RABGAP1L: variants seen among roughly 807,000 people sequenced by gnomAD.
RABGAP1L encodes RAB GTPase activating protein 1 like.
RABGAP1L carries 63 observed loss-of-function variants against 137.7 expected under a neutral mutation model. The observed-to-expected ratio is 0.46, with a 90% CI of 0.37 to 0.56. The LOEUF (loss-of-function observed/expected upper bound fraction) is 0.56, where lower values mean the gene tolerates loss of function less well. Ranked by LOEUF, RABGAP1L falls within the 20% of genes least tolerant of loss-of-function variation. The pLI is 0.00. For missense variants in RABGAP1L, 1,095 were observed against 1,244.0 expected (o/e 0.88, Z 1.80); for synonymous variants, 431 against 433.7 (o/e 0.99, Z 0.08).
At chr1:174,384,359 A>G (rs185566914) in intron 12 of RABGAP1L, among the ~76,000 whole-genome samples, 9 of 152,226 alleles carry the variant, frequency 5.9e-5, no homozygotes, top group Admixed American at 5.9e-4. Context: ...TCACAAACCT[A>G]TGTGCATTTG....
chr1:174,433,000 A>C (rs1223856779), intron 13 of RABGAP1L, among the ~76,000 whole-genome samples: 1 of 152,238 alleles, frequency 6.6e-6, no homozygotes, highest in African/African-American at 2.4e-5. Context: ...TGATGGTAAA[A>C]TAATATGCTT....
chr1:174,537,479 G>C (rs900395812), intron 13 of RABGAP1L, among the ~76,000 whole-genome samples: 2 of 152,160 alleles, frequency 1.3e-5, no homozygotes, highest in African/African-American at 4.8e-5. Flanking sequence ...TGTGGATATT[G>C]GTAAAAGGTC....
chr1:174,314,325 C>A (rs946201519), intron 11 of RABGAP1L, among the ~76,000 whole-genome samples: 1 of 152,074 alleles, frequency 6.6e-6, no homozygotes, highest in Non-Finnish European at 1.5e-5. Flanking sequence ...CACTGATGAT[C>A]CTTTGAATTT....
chr1:174,848,354 T>C, intron 19 of RABGAP1L, among the ~76,000 whole-genome samples: 1 of 99,282 alleles, frequency 1.0e-5, no homozygotes, highest in Admixed American at 1.1e-4. Context: ...CCCATCTTTG[T>C]GGTTTTATCT....
chr1:174,746,014 T>C (rs1683834395), intron 17 of RABGAP1L, among the ~76,000 whole-genome samples: 1 of 152,242 alleles, frequency 6.6e-6, no homozygotes, highest in South Asian at 2.1e-4. Context: ...CTTGGTACTT[T>C]TTGACACTAC....
chr1:174,603,597 C>T (rs1670573414), intron 13 of RABGAP1L, among the ~76,000 whole-genome samples: 1 of 152,160 alleles, frequency 6.6e-6, no homozygotes, highest in Admixed American at 6.5e-5. Flanking sequence ...GTCTTTCCCA[C>T]TCTTTTCTCT....
At chr1:174,369,669 A>G (rs988405791) in intron 11 of RABGAP1L, among the ~76,000 whole-genome samples, 5 of 152,290 alleles carry the variant, frequency 3.3e-5, no homozygotes, top group African/African-American at 1.2e-4. Flanking sequence ...TATAGTAGTA[A>G]TATTTCATTT....
chr1:174,509,298 T>C (rs1662118034), intron 13 of RABGAP1L, among the ~76,000 whole-genome samples: 1 of 152,204 alleles, frequency 6.6e-6, no homozygotes, highest in Admixed American at 6.5e-5. Flanking sequence ...ATGCATGTTA[T>C]CTAGAAACAT....
At chr1:174,260,432 A>C (rs937549846) in intron 7 of RABGAP1L, among the ~76,000 whole-genome samples, 2 of 152,204 alleles carry the variant, frequency 1.3e-5, no homozygotes, top group Admixed American at 1.3e-4. Context: ...GTGCCTTGGG[A>C]GAAAAGCCAA....
At chr1:174,258,629 A>G (rs753732359) in intron 7 of RABGAP1L, among the ~76,000 whole-genome samples, 34 of 152,158 alleles carry the variant, frequency 2.2e-4, no homozygotes, top group Non-Finnish European at 4.6e-4. Context: ...GCTGCTGACA[A>G]AGTTAATTTG....
chr1:174,621,786 G>T (rs1348788412), intron 13 of RABGAP1L, among the ~76,000 whole-genome samples: 1 of 152,166 alleles, frequency 6.6e-6, no homozygotes, highest in Non-Finnish European at 1.5e-5. Context: ...TGAGGACATA[G>T]GCATGGGCAA....
intron 16 of RABGAP1L, among the ~76,000 whole-genome samples, chr1:174,701,675 G>A (rs929397143): frequency 1.3e-5 from 2 of 151,646 alleles, no homozygotes; most frequent in Non-Finnish European, 2.9e-5. Context: ...CCTGGGAGGC[G>A]GAGGTTGCAG....
chr1:174,691,586 T>G (rs1678880318), intron 15 of RABGAP1L, among the ~76,000 whole-genome samples: 1 of 152,238 alleles, frequency 6.6e-6, no homozygotes, highest in Admixed American at 6.5e-5. Context: ...ATTTTAATGT[T>G]TATCCCCTCT....
intron 12 of RABGAP1L, among the ~76,000 whole-genome samples, chr1:174,387,795 ATTAT>A (rs1449767939): frequency 6.6e-6 from 1 of 152,090 alleles, no homozygotes; most frequent in Non-Finnish European, 1.5e-5. Context: ...ACTTTAGGAA[ATTAT>A]TTAAAGATCT....
chr1:174,586,087 C>A (rs1669091526), intron 13 of RABGAP1L, among the ~76,000 whole-genome samples: 1 of 152,082 alleles, frequency 6.6e-6, no homozygotes, highest in Non-Finnish European at 1.5e-5. Context: ...ATGTTCATTG[C>A]AGCACTATTC....
chr1:174,416,625 GT>G (rs1650624795), intron 13 of RABGAP1L, among the ~76,000 whole-genome samples: 1 of 152,066 alleles, frequency 6.6e-6, no homozygotes, highest in Non-Finnish European at 1.5e-5. Flanking sequence ...CAGCATTTGA[GT>G]GTGTATGTAA....
At chr1:174,850,117 C>G (rs914023775) in intron 19 of RABGAP1L, 5 of 491,024 alleles carry the variant, frequency 1.0e-5, no homozygotes, top group East Asian at 5.6e-5. Context: ...TCCCATTCCT[C>G]TCAGTTCTCT....
At chr1:174,768,898 C>T (rs1294274144) in intron 18 of RABGAP1L, among the ~76,000 whole-genome samples, 1 of 152,204 alleles carries the variant, frequency 6.6e-6, no homozygotes, top group African/African-American at 2.4e-5. Flanking sequence ...AGATTCACTG[C>T]TAACAGTACA....
At chr1:174,941,184 C>A (rs1229484587) in intron 19 of RABGAP1L, among the ~76,000 whole-genome samples, 1 of 152,198 alleles carries the variant, frequency 6.6e-6, no homozygotes, top group East Asian at 1.9e-4. Context: ...CCTCTCATAG[C>A]CCTATCCTAC....
Sources: allele counts gnomAD v4.1 joint callset (sites outside exome capture counted in the v4.1 genomes callset), GRCh38; gene constraint gnomAD v4.1.1; transcripts MANE v1.5; gene names NCBI Gene and HGNC (gene_info 2026-07-23, HGNC 2026-07-21).